FAF1: variants seen among roughly 807,000 people sequenced by gnomAD.
The protein encoded by FAF1 is Fas associated factor 1, also known as FAS-associated factor 1.
A neutral mutation model predicts 92.5 loss-of-function variants in FAF1; 25 were observed. The ratio of observed to expected loss-of-function variants is 0.27; its 90% CI spans 0.20 to 0.38. The LOEUF is 0.38. Ranked by LOEUF, FAF1 falls within the 10% of genes least tolerant of loss-of-function variation. The pLI is 1.00. For missense variants in FAF1, 636 were observed against 793.3 expected, an observed-to-expected ratio of 0.80 and a Z score of 2.38; for synonymous variants, 234 against 273.2, an observed-to-expected ratio of 0.86 and a Z score of 1.42.
intron 1 of FAF1, among the ~76,000 whole-genome samples, chr1:50,919,768 C>T (rs940760479): frequency 2.6e-5 from 4 of 152,136 alleles, no homozygotes; most frequent in Non-Finnish European, 5.9e-5. Context: ...CCACCGCACC[C>T]AGCCGAAGAA....
chr1:50,863,631 A>C (rs1022859942), intron 1 of FAF1, among the ~76,000 whole-genome samples: 3 of 152,090 alleles, frequency 2.0e-5, no homozygotes, highest in Admixed American at 6.6e-5. Flanking sequence ...TTCTTGAATC[A>C]ATGTTCATCA....
chr1:50,507,164 T>G (rs1378682167), intron 15 of FAF1, among the ~76,000 whole-genome samples: 3 of 152,162 alleles, frequency 2.0e-5, no homozygotes, highest in Non-Finnish European at 2.9e-5. Flanking sequence ...ATTCAACAGA[T>G]GTGCACTGAA....
chr1:50,489,503 A>G (rs754410655), intron 17 of FAF1, among the ~76,000 whole-genome samples: 3 of 152,204 alleles, frequency 2.0e-5, no homozygotes, highest in Admixed American at 6.5e-5. Context: ...GTTTGTGCCT[A>G]CTGCACCTTA....
chr1:50,807,328 T>G (rs1370749834), intron 2 of FAF1, among the ~76,000 whole-genome samples: 1 of 152,256 alleles, frequency 6.6e-6, no homozygotes, highest in Non-Finnish European at 1.5e-5. Context: ...TGACTCACAG[T>G]TCCACAGGCT....
Position 50,683,924 on chromosome 1 carries a change from C to T in FAF1, c.657+21862G>A, listed in dbSNP as rs142612011. On this transcript the variant is annotated intron_variant, in intron 7 of 18. Coordinates refer to ENST00000396153, the MANE Select transcript of FAF1 (RefSeq NM_007051.3). ...TTCAGCCTGGGCGACAAGGGCAACA[C>T]TCCATCAAAAAAAAAAAAAAAAGTA... Among the ~76,000 whole-genome samples, 18 of 147,994 alleles carry T rather than the reference C, an allele frequency of 1.2e-4. No individual in the cohort carries two copies. In the East Asian group the frequency reaches 3.3e-3, roughly 27 times the overall value.
chr1:50,670,290 G>A (rs1379697796), intron 7 of FAF1, among the ~76,000 whole-genome samples: 1 of 151,986 alleles, frequency 6.6e-6, no homozygotes, highest in African/African-American at 2.4e-5. Flanking sequence ...ATTTCGCCAT[G>A]TTGTGCAGGC....
chr1:50,545,633 T>C (rs1161089925), intron 13 of FAF1, among the ~76,000 whole-genome samples: 1 of 149,654 alleles, frequency 6.7e-6, no homozygotes, highest in East Asian at 2.0e-4. Context: ...GTCAGATTAG[T>C]AAAGAAAAAA....
At chr1:50,482,255 CATAAT>C (rs1646712825) in intron 17 of FAF1, among the ~76,000 whole-genome samples, 1 of 152,064 alleles carries the variant, frequency 6.6e-6, no homozygotes, top group African/African-American at 2.4e-5. Context: ...CTTCACTTAG[CATAAT>C]ATATTTGAGA....
chr1:50,612,897 A>AATT (rs1186753487), intron 8 of FAF1, among the ~76,000 whole-genome samples: 3 of 152,148 alleles, frequency 2.0e-5, no homozygotes, highest in African/African-American at 7.2e-5. Flanking sequence ...GAAGCTCTAG[A>AATT]ATTAGTGTTT....
chr1:50,543,855 T>C (rs1018437160), intron 13 of FAF1, among the ~76,000 whole-genome samples: 1 of 152,108 alleles, frequency 6.6e-6, no homozygotes, highest in African/African-American at 2.4e-5. Context: ...ACCACAAAAT[T>C]TTAAACATTT....
At chr1:50,501,481 G>A (rs1412674677) in intron 15 of FAF1, among the ~76,000 whole-genome samples, 1 of 152,078 alleles carries the variant, frequency 6.6e-6, no homozygotes. Context: ...CTAATATGGT[G>A]AAACCCTGTC....
chr1:50,690,849 G>C (rs904452492), intron 7 of FAF1, among the ~76,000 whole-genome samples: 1 of 151,936 alleles, frequency 6.6e-6, no homozygotes, highest in Non-Finnish European at 1.5e-5. Context: ...GGCTTTTTGT[G>C]TTTAGTTTCT....
At chr1:50,714,643 A>C (rs1199086252) in intron 6 of FAF1, among the ~76,000 whole-genome samples, 2 of 151,894 alleles carry the variant, frequency 1.3e-5, no homozygotes. Flanking sequence ...AGACCTATTA[A>C]AGAAGGAAAG....
At chr1:50,726,195 G>T (rs1410680333) in intron 6 of FAF1, among the ~76,000 whole-genome samples, 1 of 152,066 alleles carries the variant, frequency 6.6e-6, no homozygotes, top group Non-Finnish European at 1.5e-5. Context: ...GGCGGAGGTT[G>T]CAGAGAGCCG....
chr1:50,578,344 C>G (rs970793610), intron 12 of FAF1, among the ~76,000 whole-genome samples: 10 of 152,090 alleles, frequency 6.6e-5, no homozygotes, highest in Non-Finnish European at 1.2e-4. Context: ...GTCATATTTG[C>G]CTTAAAATGT....
At chr1:50,690,390 A>G (rs1569772979) in intron 7 of FAF1, among the ~76,000 whole-genome samples, 1 of 152,108 alleles carries the variant, frequency 6.6e-6, no homozygotes, top group East Asian at 1.9e-4. Context: ...CAATCACAAG[A>G]TCAGGAGTTC....
intron 2 of FAF1, among the ~76,000 whole-genome samples, chr1:50,843,228 G>A (rs1240682505): frequency 6.6e-6 from 1 of 152,034 alleles, no homozygotes; most frequent in Non-Finnish European, 1.5e-5. Flanking sequence ...AAGAGGGTTT[G>A]CCTATGGTTT....
At chr1:50,642,478 G>A (rs1187844226) in intron 8 of FAF1, among the ~76,000 whole-genome samples, 2 of 151,446 alleles carry the variant, frequency 1.3e-5, no homozygotes, top group Admixed American at 1.3e-4. Flanking sequence ...GTGAAACCCC[G>A]TCTCTACTAA....
intron 1 of FAF1, among the ~76,000 whole-genome samples, chr1:50,914,761 C>T (rs972733545): frequency 4.6e-5 from 7 of 152,164 alleles, no homozygotes; most frequent in African/African-American, 1.7e-4. Flanking sequence ...TAACATATCC[C>T]TTCTATCTCG....
Sources: gnomAD v4.1 joint callset for allele counts (sites outside exome capture counted in the v4.1 genomes callset) on GRCh38, gnomAD v4.1.1 for gene constraint, MANE v1.5 for transcripts, NCBI Gene and HGNC (gene_info 2026-07-23, HGNC 2026-07-21) for gene names.